The following FBXO33 variants were observed in gnomAD, a reference collection of about 807,000 sequenced individuals.
FBXO33 encodes F-box protein 33, also known as F-box only protein 33.
In FBXO33, 22 loss-of-function variants were observed where a neutral mutation model predicts 46.3. The observed-to-expected ratio is 0.48, with a 90% CI of 0.34 to 0.68. The LOEUF (loss-of-function observed/expected upper bound fraction) is 0.68. Among genes scored for constraint, FBXO33 ranks in the 30% least tolerant of loss-of-function variants. FBXO33 has a pLI of 0.01. For missense variants in FBXO33, 692 were observed against 708.8 expected, an observed-to-expected ratio of 0.98 and a Z score of 0.27; for synonymous variants, 337 against 291.3, an observed-to-expected ratio of 1.16 and a Z score of -1.60.
rs1404632926 is a variant in FBXO33 at position 39,431,546 on chromosome 14, G to A, written c.599+18C>T. ...GACCCCCCGTTACCGGGCGGGGCGGGGCTCAGGGCAAGCCTACCTGTTGTT... is the reference window on the plus strand; with the variant it reads ...GACCCCCCGTTACCGGGCGGGGCGGAGCTCAGGGCAAGCCTACCTGTTGTT... On this transcript the variant is annotated intron_variant, in intron 1 of 3. Transcript: ENST00000298097. 6.2e-7 allele frequency: 1 copy of A among 1,609,020 alleles called. No homozygotes were observed. Among genetic ancestry groups the A allele is most frequent in the South Asian group, 1.1e-5 (1 of 91,074 alleles).
chr14:39,401,949 C>T lies in FBXO33; in HGVS notation c.711-88G>A, dbSNP rs1031642804. ...ACTTTTGAAAATAGGCAATGAAAAG[C>T]ATGCAATTTTGAGATCTATTTTTCC... On this transcript the variant is annotated intron_variant, in intron 2 of 3. Transcript: ENST00000298097. 5 of 1,087,250 alleles carry T rather than the reference C, an allele frequency of 4.6e-6. No homozygotes were observed. The African/African-American group carries it at 8.0e-5, about 17-fold the overall frequency. 67.4% of individuals were successfully genotyped at this position (1,087,250 alleles called of 1,614,324 possible).
intron 1 of FBXO33, among the ~76,000 whole-genome samples, chr14:39,422,053 T>G (rs1034119606): frequency 6.6e-6 from 1 of 152,056 alleles, no homozygotes; most frequent in African/African-American, 2.4e-5. Flanking sequence ...AGCTCAGGAG[T>G]TCGAGACCAC....
At chr14:39,423,200 T>C (rs1464822590) in intron 1 of FBXO33, among the ~76,000 whole-genome samples, 2 of 152,112 alleles carry the variant, frequency 1.3e-5, no homozygotes, top group East Asian at 3.8e-4. Flanking sequence ...ATTTAGGACA[T>C]ACAAAAAGTT....
In FBXO33 at chr14:39,402,374, C is replaced by G. The variant is rs770378074; in HGVS notation, c.710+27G>C. 16 of 1,245,820 alleles carry G rather than the reference C, an allele frequency of 1.3e-5. No individual in the cohort carries two copies. In the South Asian group the frequency reaches 2.4e-4, roughly 19 times the overall value. 77.2% of individuals were successfully genotyped at this position (1,245,820 alleles called of 1,614,324 possible). ...AAAAACATATTATTAATAGTACAAC[C>G]TCCTTTCCATTAACCATATAACTTA... On this transcript the variant is annotated intron_variant, in intron 2 of 3. Coordinates refer to ENST00000298097, the MANE Select transcript of FBXO33 (RefSeq NM_203301.4).
intron 1 of FBXO33, among the ~76,000 whole-genome samples, chr14:39,403,190 C>T (rs2075376922): frequency 6.6e-6 from 1 of 152,166 alleles, no homozygotes; most frequent in African/African-American, 2.4e-5. Context: ...CAGGGTAAGT[C>T]ACTGCCCTGA....
intron 1 of FBXO33, among the ~76,000 whole-genome samples, chr14:39,421,000 C>T (rs566627679): frequency 2.6e-5 from 4 of 152,278 alleles, no homozygotes; most frequent in Non-Finnish European, 5.9e-5. Context: ...GTCAAGAACA[C>T]ATCCACTCCG....
At chr14:39,415,423 TA>T in intron 1 of FBXO33, among the ~76,000 whole-genome samples, 1 of 152,118 alleles carries the variant, frequency 6.6e-6, no homozygotes, top group East Asian at 1.9e-4. Flanking sequence ...ACTTAATTTG[TA>T]AAAAAAACAT....
chr14:39,404,493 A>G (rs1156612898), intron 1 of FBXO33, among the ~76,000 whole-genome samples: 2 of 151,872 alleles, frequency 1.3e-5, no homozygotes, highest in African/African-American at 4.8e-5. Flanking sequence ...TGCCCAGCTA[A>G]TTTTTTGTAT....
intron 1 of FBXO33, among the ~76,000 whole-genome samples, chr14:39,404,998 AT>A (rs2075387373): frequency 6.6e-6 from 1 of 151,966 alleles, no homozygotes; most frequent in Admixed American, 6.6e-5. Flanking sequence ...AATACAAAAA[AT>A]TAGCCAGGTG....
intron 1 of FBXO33, among the ~76,000 whole-genome samples, chr14:39,421,475 TGGACTTCATATGA>T (rs1264145394): frequency 6.6e-6 from 1 of 152,060 alleles, no homozygotes; most frequent in Non-Finnish European, 1.5e-5. Context: ...CTACCACATA[TGGACTTCATATGA>T]GTCCATAGCT....
At position 39,432,392 on chromosome 14, in the gene FBXO33, G is replaced by C. The variant is rs72677610; in HGVS notation, c.-230C>G. The stretch of plus-strand genomic sequence containing the variant: ...GCCTCAAGGCGTACTGTAAGGAAAA[G>C]GCAGCCCTCCCTGCGCCGGTCGGCA... On this transcript the variant is annotated 5_prime_UTR_variant, in exon 1 of 4. Transcript: ENST00000298097. 0.056 allele frequency: 15,448 copies of C among 275,628 alleles called. 525 individuals carry two copies. The highest frequency in any genetic ancestry group is 0.13 in the Admixed American group (2,386 of 18,632). 17.1% of individuals were successfully genotyped at this position (275,628 alleles called of 1,614,324 possible).
At chr14:39,402,315 TTACTC>T (rs2075372493) in intron 2 of FBXO33, 81 bp downstream of exon 2, 5 of 676,276 alleles carry the variant, frequency 7.4e-6, no homozygotes, top group Middle Eastern at 6.1e-4. Flanking sequence ...AAAAAAATCA[TTACTC>T]TTCTGTTTGT....
intron 1 of FBXO33, among the ~76,000 whole-genome samples, chr14:39,417,731 A>G (rs960796601): frequency 2.6e-5 from 4 of 151,990 alleles, no homozygotes; most frequent in African/African-American, 9.7e-5. Context: ...GGGTTTCACC[A>G]TGTTGGCCAG....
chr14:39,422,920 G>A (rs1022366607), intron 1 of FBXO33, among the ~76,000 whole-genome samples: 2 of 152,138 alleles, frequency 1.3e-5, no homozygotes, highest in African/African-American at 2.4e-5. Flanking sequence ...TCAGGAGTTC[G>A]AGACCAGTCT....
intron 1 of FBXO33, among the ~76,000 whole-genome samples, chr14:39,404,971 AC>A (rs1269165299): frequency 6.6e-6 from 1 of 151,796 alleles, no homozygotes; most frequent in East Asian, 2.0e-4. Flanking sequence ...ACATAGTGAA[AC>A]CCCATGTCTA....
At chr14:39,406,607 A>C (rs753546533) in intron 1 of FBXO33, among the ~76,000 whole-genome samples, 4 of 152,206 alleles carry the variant, frequency 2.6e-5, no homozygotes, top group South Asian at 2.1e-4. Context: ...AATCGAGGAG[A>C]CAAGAGATTT....
intron 1 of FBXO33, among the ~76,000 whole-genome samples, chr14:39,421,061 G>T (rs185077422): frequency 3.5e-4 from 54 of 152,282 alleles, no homozygotes; most frequent in African/African-American, 1.2e-3. Context: ...CTGTGACCCT[G>T]GTGGTGACTC....
intron 1 of FBXO33, among the ~76,000 whole-genome samples, chr14:39,404,953 T>C (rs1403216290): frequency 1.3e-5 from 2 of 151,602 alleles, no homozygotes; most frequent in Non-Finnish European, 2.9e-5. Flanking sequence ...TCGAGACCAG[T>C]CCGGCCAACA....
intron 1 of FBXO33, among the ~76,000 whole-genome samples, chr14:39,405,495 T>G (rs201549035): frequency 1.3e-5 from 2 of 151,824 alleles, no homozygotes; most frequent in African/African-American, 4.8e-5. Flanking sequence ...GGGAATTTTT[T>G]GGGGGGGTGT....
Sources: allele counts gnomAD v4.1 joint callset (sites outside exome capture counted in the v4.1 genomes callset), GRCh38; gene constraint gnomAD v4.1.1; transcripts MANE v1.5; gene names NCBI Gene and HGNC (gene_info 2026-07-23, HGNC 2026-07-21).